Variants in PDZRN3 observed in about 807,000 individuals in gnomAD.
PDZRN3 encodes PDZ domain containing ring finger 3, also known as E3 ubiquitin-protein ligase PDZRN3.
In PDZRN3, 38 loss-of-function variants were observed where a neutral mutation model predicts 85.7. The observed-to-expected ratio is 0.44, with a 90% confidence interval of 0.34 to 0.58. The LOEUF (loss-of-function observed/expected upper bound fraction) is 0.58, where lower values mean the gene tolerates loss of function less well. Ranked by LOEUF, PDZRN3 falls within the 20% of genes least tolerant of loss-of-function variation. The probability of loss-of-function intolerance (pLI) is 0.01; values close to 1 mark genes in which losing one functional copy is unlikely to be tolerated. For synonymous variants in PDZRN3, 759 were observed against 638.0 expected (o/e 1.19, Z -2.86); for missense variants, 1,629 against 1,506.4 (o/e 1.08, Z -1.35).
intron 3 of PDZRN3, among the ~76,000 whole-genome samples, chr3:73,566,598 T>C (rs1199770538): frequency 3.9e-5 from 6 of 152,190 alleles, no homozygotes; most frequent in Non-Finnish European, 8.8e-5. Flanking sequence ...TTTGCTGCCT[T>C]TCCTTTGATG....
intron 3 of PDZRN3, among the ~76,000 whole-genome samples, chr3:73,419,673 C>T (rs1446067768): frequency 5.3e-5 from 8 of 152,072 alleles, no homozygotes; most frequent in Non-Finnish European, 8.8e-5. Context: ...CTCGTTTCAT[C>T]GTGCCTTACA....
intron 3 of PDZRN3, among the ~76,000 whole-genome samples, chr3:73,477,851 G>A (rs888492324): frequency 2.0e-5 from 3 of 152,132 alleles, no homozygotes; most frequent in Admixed American, 2.0e-4. Flanking sequence ...AGTGAATAAA[G>A]AGCAAAGGCA....
chr3:73,392,607 G>A (rs1295202895), intron 5 of PDZRN3, among the ~76,000 whole-genome samples: 2 of 152,098 alleles, frequency 1.3e-5, no homozygotes, highest in African/African-American at 2.4e-5. Context: ...GAAAGTCCAC[G>A]GTCACCAGTA....
rs145883864 is a variant in PDZRN3 at position 73,436,766 on chromosome 3, G to A, written c.919-32371C>T. 1.7e-3 allele frequency among the ~76,000 whole-genome samples: 253 copies of A among 152,108 alleles called. 1 individual carries two copies. Among genetic ancestry groups the A allele is most frequent in the African/African-American group, 4.7e-3 (196 of 41,470 alleles). Reference sequence around the variant, plus strand: ...TCACTCTTAAAAATTACTGAGAACCGGCCGGGTGCAGTGGCTCATGCCTGT... The same window carrying A: ...TCACTCTTAAAAATTACTGAGAACCAGCCGGGTGCAGTGGCTCATGCCTGT... On this transcript the variant is annotated intron_variant, in intron 3 of 9. Transcript: ENST00000263666.
intron 3 of PDZRN3, among the ~76,000 whole-genome samples, chr3:73,591,555 C>G (rs1419849462): frequency 6.6e-6 from 1 of 152,150 alleles, no homozygotes; most frequent in Non-Finnish European, 1.5e-5. Flanking sequence ...TAGCCGTCAT[C>G]AAAGTGTTGG....
intron 3 of PDZRN3, among the ~76,000 whole-genome samples, chr3:73,584,231 C>T (rs1396629168): frequency 1.3e-5 from 2 of 152,064 alleles, no homozygotes; most frequent in Non-Finnish European, 2.9e-5. Flanking sequence ...GTTACAGGAG[C>T]ATCTTTCAAG....
chr3:73,469,280 C>T (rs749931091), intron 3 of PDZRN3, among the ~76,000 whole-genome samples: 3 of 152,102 alleles, frequency 2.0e-5, no homozygotes, highest in African/African-American at 4.8e-5. Context: ...ACCATGTTGG[C>T]CAGGCCGGTC....
At chr3:73,467,069 C>G (rs967751418) in intron 3 of PDZRN3, among the ~76,000 whole-genome samples, 28 of 152,162 alleles carry the variant, frequency 1.8e-4, no homozygotes, top group Admixed American at 1.7e-3. Context: ...TGTCATCAGA[C>G]CCTATCTGAT....
rs200273452 is a variant in PDZRN3, at chr3:73,391,050, C to T, written c.1321G>A (p.Asp441Asn). Residue 441 changes from aspartate (D) to asparagine (N), a missense_variant, in exon 6 of 10, where the codon GAT (aspartate) becomes AAT (asparagine). Asp to Asn is a conservative substitution (Grantham distance 23). Coordinates refer to ENST00000263666, the MANE Select transcript of PDZRN3 (RefSeq NM_015009.3). Reference protein sequence around the residue: ...LGLTVCYRTDDEDDIGIYISE... With the variant: ...LGLTVCYRTDNEDDIGIYISE... Reference sequence around the variant, plus strand: ...ATATAAATCCCAATGTCGTCTTCATCGTCCGTCCGGTAGCACACAGTGAGG... The same window carrying T: ...ATATAAATCCCAATGTCGTCTTCATTGTCCGTCCGGTAGCACACAGTGAGG... The T allele has an allele frequency of 2.1e-4, 338 of 1,613,530 alleles. 1 individual carries two copies. The highest frequency in any genetic ancestry group is 3.5e-4 in the Admixed American group (21 of 60,010).
chr3:73,503,570 ATTC>A (rs1240377239), intron 3 of PDZRN3, among the ~76,000 whole-genome samples: 1 of 152,246 alleles, frequency 6.6e-6, no homozygotes, highest in African/African-American at 2.4e-5. Context: ...ACAATAAAAA[ATTC>A]TTCTTTTGCT....
chr3:73,484,825 C>T (rs1312850417), intron 3 of PDZRN3, among the ~76,000 whole-genome samples: 1 of 152,098 alleles, frequency 6.6e-6, no homozygotes, highest in African/African-American at 2.4e-5. Flanking sequence ...TAGCAAGATT[C>T]CCAGCAGATG....
intron 3 of PDZRN3, among the ~76,000 whole-genome samples, chr3:73,504,501 G>A (rs1231941380): frequency 6.6e-6 from 1 of 152,006 alleles, no homozygotes; most frequent in Non-Finnish European, 1.5e-5. Flanking sequence ...TATTTTTCTG[G>A]ACTCCTCATC....
intron 3 of PDZRN3, among the ~76,000 whole-genome samples, chr3:73,435,063 G>A (rs1310018910): frequency 2.0e-5 from 3 of 152,146 alleles, no homozygotes; most frequent in South Asian, 4.1e-4. Context: ...AACTGTCTCC[G>A]GGGAGGACTC....
intron 1 of PDZRN3, among the ~76,000 whole-genome samples, chr3:73,613,796 T>C (rs1702718598): frequency 6.6e-6 from 1 of 152,068 alleles, no homozygotes; most frequent in Non-Finnish European, 1.5e-5. Context: ...ATCTGTTTCC[T>C]TGGGCTTGGC....
chr3:73,389,777 T>C (rs751779098), intron 7 of PDZRN3, 39 bp downstream of exon 7: 24 of 1,410,602 alleles, frequency 1.7e-5, no homozygotes, highest in Non-Finnish European at 2.2e-5. Flanking sequence ...TCTTTAGTGA[T>C]AGGCCCATCA....
intron 3 of PDZRN3, among the ~76,000 whole-genome samples, chr3:73,594,311 T>C (rs1416703435): frequency 1.3e-5 from 2 of 152,308 alleles, no homozygotes; most frequent in East Asian, 3.9e-4. Flanking sequence ...AATAATTCTA[T>C]AGCAGCTCCA....
At chr3:73,599,860 C>A (rs138245018) in intron 3 of PDZRN3, among the ~76,000 whole-genome samples, 90 of 152,318 alleles carry the variant, frequency 5.9e-4, no homozygotes, top group Middle Eastern at 3.4e-3. Context: ...TCTGACAGTG[C>A]CATGGTATCT....
intron 3 of PDZRN3, among the ~76,000 whole-genome samples, chr3:73,580,692 C>T (rs1170642015): frequency 6.6e-6 from 1 of 152,204 alleles, no homozygotes; most frequent in Middle Eastern, 3.2e-3. Flanking sequence ...ACCTGTTTCA[C>T]CTGTGAGGCA....
intron 2 of PDZRN3, among the ~76,000 whole-genome samples, chr3:73,607,072 C>A (rs1210322022): frequency 6.6e-6 from 1 of 152,194 alleles, no homozygotes; most frequent in Non-Finnish European, 1.5e-5. Flanking sequence ...CAGTTCCCAA[C>A]TCTGTTCCTG....
Sources: gnomAD v4.1 joint callset for allele counts (sites outside exome capture counted in the v4.1 genomes callset) on GRCh38, gnomAD v4.1.1 for gene constraint, MANE v1.5 for transcripts, NCBI Gene and HGNC (gene_info 2026-07-23, HGNC 2026-07-21) for gene names.